The following KLF17 variants were observed in gnomAD, a reference collection of about 807,000 sequenced individuals.
KLF17 encodes the protein Krueppel-like factor 17.
A neutral mutation model predicts 34.2 loss-of-function variants in KLF17; 31 were observed. That is an observed-to-expected ratio of 0.91 (90% CI 0.68 to 1.22). The LOEUF (loss-of-function observed/expected upper bound fraction) is 1.22. KLF17 is among the 50% of genes most tolerant of loss of function. The pLI is 0.00. For missense variants in KLF17, 478 were observed against 505.2 expected (o/e 0.95, Z 0.52); for synonymous variants, 179 against 186.7 (o/e 0.96, Z 0.34).
chr1:44,099,893 G>T, the KLF17 span, among the ~76,000 whole-genome samples: 1 of 62,424 alleles, frequency 1.6e-5, no homozygotes, highest in Non-Finnish European at 3.5e-5. Context: ...AAGAAAGAAA[G>T]AAAGAAAGAA....
At chr1:44,077,033 C>A in the KLF17 span, among the ~76,000 whole-genome samples, 1 of 150,556 alleles carries the variant, frequency 6.6e-6, no homozygotes, top group African/African-American at 2.4e-5. Context: ...CTGCACCCAG[C>A]CTTTTTCTTT....
At chr1:44,058,591 C>T in the KLF17 span, among the ~76,000 whole-genome samples, 3 of 151,452 alleles carry the variant, frequency 2.0e-5, no homozygotes, top group African/African-American at 7.3e-5. Context: ...GCCCAGCCTC[C>T]CATCGCCCTT....
chr1:44,050,595 C>T, the KLF17 span, among the ~76,000 whole-genome samples: 1 of 152,128 alleles, frequency 6.6e-6, no homozygotes, highest in Non-Finnish European at 1.5e-5. Flanking sequence ...AGTCACAGAT[C>T]CCTAACACTA....
At chr1:44,056,376 G>T in the KLF17 span, among the ~76,000 whole-genome samples, 1 of 152,190 alleles carries the variant, frequency 6.6e-6, no homozygotes, top group Non-Finnish European at 1.5e-5. Flanking sequence ...TTGCCCAAAA[G>T]CAAAAAGAGA....
rs934164842 is a variant in KLF17 at position 44,128,473 on chromosome 1, C to T, written c.82-880C>T. Among the ~76,000 whole-genome samples, 10 of 152,302 alleles carry T rather than the reference C, an allele frequency of 6.6e-5. No individual in the cohort carries two copies. In the South Asian group the frequency reaches 1.2e-3, roughly 19 times the overall value. ...GAAACTGCCCCTGACTTCCAGACAA[C>T]CCCCATCCCTTTTTTTAAGAAGTGT... On this transcript the variant is annotated intron_variant, in intron 1 of 3. Coordinates refer to ENST00000372299, the MANE Select transcript of KLF17 (RefSeq NM_173484.4).
Position 44,130,607 on chromosome 1 carries a change from C to A in KLF17, c.1021C>A (p.Arg341=), listed in dbSNP as rs147184873. The part of the protein sequence containing the change: ...RRHMRVHTRY[R]PYKCDQCSRE... ...ACATATGCGGGTACACACCAGATAT[C>A]GACCATATAAATGTGATCAGTGCAG... The change falls in exon 3 of 4, where the codon CGA becomes AGA. Residue 341 remains arginine (R), a synonymous_variant. Transcript: ENST00000372299. The A allele has an allele frequency of 2.5e-4, 396 of 1,613,932 alleles. No individual in the cohort carries two copies. The highest frequency in any genetic ancestry group is 5.3e-4 in the Admixed American group (32 of 60,004).
chr1:44,067,390 G>A, the KLF17 span, among the ~76,000 whole-genome samples: 1 of 152,172 alleles, frequency 6.6e-6, no homozygotes, highest in East Asian at 1.9e-4. Flanking sequence ...CATCTTGGGC[G>A]ATACTGGTTA....
chr1:44,106,250 C>T, the KLF17 span, among the ~76,000 whole-genome samples: 1 of 152,196 alleles, frequency 6.6e-6, no homozygotes, highest in South Asian at 2.1e-4. Context: ...CATCTCCATT[C>T]CACTCCCACT....
At chr1:44,054,683 G>A in the KLF17 span, among the ~76,000 whole-genome samples, 4 of 150,668 alleles carry the variant, frequency 2.7e-5, no homozygotes, top group Non-Finnish European at 5.9e-5. Flanking sequence ...GGGTTTCACC[G>A]TGTTAGCCAG....
chr1:44,085,630 A>G, the KLF17 span, among the ~76,000 whole-genome samples: 2 of 151,910 alleles, frequency 1.3e-5, no homozygotes, highest in African/African-American at 2.4e-5. Context: ...TCATCTCTAC[A>G]AAAAATAAAA....
At chr1:44,116,424 T>A (rs601901), upstream of KLF17, among the ~76,000 whole-genome samples, 68,068 of 152,052 alleles carry the variant, frequency 0.45, 15,500 homozygotes, top group Middle Eastern at 0.51. Context: ...CTCTTATAAT[T>A]GAGCCCTCTG....
chr1:44,070,717 CT>C, the KLF17 span, among the ~76,000 whole-genome samples: 3 of 147,242 alleles, frequency 2.0e-5, no homozygotes, highest in East Asian at 6.2e-4. Flanking sequence ...CCTCCCTTGT[CT>C]TTATCAGAGC....
chr1:44,118,547 T>C (rs2087904896), upstream of KLF17, among the ~76,000 whole-genome samples: 1 of 150,706 alleles, frequency 6.6e-6, no homozygotes, highest in East Asian at 1.9e-4. Context: ...CTGGCTGGAG[T>C]TGGAGACCTG....
the KLF17 span, among the ~76,000 whole-genome samples, chr1:44,058,394 G>A: frequency 4.5e-4 from 68 of 152,038 alleles, no homozygotes; most frequent in African/African-American, 1.5e-3. Flanking sequence ...AGGTTCAAGC[G>A]ATTCTCCTGC....
chr1:44,131,596 TTC>T (rs982438566), intron 3 of KLF17, among the ~76,000 whole-genome samples: 2 of 152,170 alleles, frequency 1.3e-5, no homozygotes, highest in African/African-American at 4.8e-5. Context: ...TACCCAGAGT[TTC>T]TGTTTCTTCC....
At chr1:44,071,383 T>C in the KLF17 span, among the ~76,000 whole-genome samples, 3 of 152,212 alleles carry the variant, frequency 2.0e-5, no homozygotes, top group African/African-American at 7.2e-5. Context: ...CACCCTTGGC[T>C]CCTTAGCTCT....
At chr1:44,126,979 T>C (rs1375355277) in intron 1 of KLF17, among the ~76,000 whole-genome samples, 1 of 151,870 alleles carries the variant, frequency 6.6e-6, no homozygotes, top group Non-Finnish European at 1.5e-5. Flanking sequence ...CGCTGCAGCT[T>C]CGACTTCCCA....
At chr1:44,052,275 G>C in the KLF17 span, 1 of 152,208 alleles carries the variant, frequency 6.6e-6, no homozygotes, top group Non-Finnish European at 1.5e-5. Flanking sequence ...TTTCCTAATA[G>C]CCAGTTGCAG....
At position 44,129,387 on chromosome 1, in the gene KLF17, CT is replaced by C; in HGVS notation, c.118del (p.Ser40HisfsTer43). 6.6e-7 allele frequency: 1 copy of C among 1,523,084 alleles called. No individual in the cohort carries two copies. Among genetic ancestry groups the C allele is most frequent in the Non-Finnish European group, 8.8e-7 (1 of 1,136,044 alleles). The allele number at this position is 1,523,084 out of a possible 1,614,324, so 94.3% of individuals were successfully genotyped here. On this transcript the variant is annotated frameshift_variant, in exon 2 of 4. Coordinates refer to ENST00000372299, the MANE Select transcript of KLF17 (RefSeq NM_173484.4). LOFTEE classifies it high-confidence loss of function. ...AACTCAGCGCCCATCTTGAACATGT[CT>C]TCATCTTCTGGAAGCTCTGGAGTGC... ...NENSAPILNM[S>X]SSSGSSGVHT... is the part of the protein sequence containing the mutation.
Sources: allele counts gnomAD v4.1 joint callset (sites outside exome capture counted in the v4.1 genomes callset), GRCh38; gene constraint gnomAD v4.1.1; transcripts MANE v1.5; gene names NCBI Gene and HGNC (gene_info 2026-07-23, HGNC 2026-07-21).